RAD51B: variants seen among roughly 807,000 people sequenced by gnomAD.
RAD51B encodes DNA repair protein RAD51 homolog 2.
RAD51B carries 38 observed loss-of-function variants against 42.2 expected under a neutral mutation model. The observed-to-expected ratio is 0.90, with a 90% CI of 0.70 to 1.18. RAD51B has a LOEUF of 1.18. Ranked by LOEUF, RAD51B falls within the 50% of genes most tolerant of loss-of-function variation. The pLI, the probability that RAD51B is intolerant of heterozygous loss-of-function variation, is 0.00. For missense variants in RAD51B, 373 were observed against 400.7 expected (o/e 0.93, Z 0.59); for synonymous variants, 154 against 145.2 (o/e 1.06, Z -0.43).
intron 8 of RAD51B, among the ~76,000 whole-genome samples, chr14:68,391,152 T>TTCTTTCTTTC: frequency 1.3e-5 from 2 of 150,660 alleles, no homozygotes; most frequent in Middle Eastern, 6.8e-3. Flanking sequence ...CTTTCTTTCT[T>TTCTTTCTTTC]TCTTTCTTTC....
At chr14:68,007,292 T>C (rs2075607028) in intron 7 of RAD51B, among the ~76,000 whole-genome samples, 1 of 152,136 alleles carries the variant, frequency 6.6e-6, no homozygotes, top group Non-Finnish European at 1.5e-5. Context: ...AGTTTTACTT[T>C]TTGTCTATTA....
intron 7 of RAD51B, among the ~76,000 whole-genome samples, chr14:68,194,276 G>A (rs1296620436): frequency 6.6e-6 from 1 of 152,216 alleles, no homozygotes; most frequent in African/African-American, 2.4e-5. Context: ...GCAGAGTCTA[G>A]TTTAACCTCT....
chr14:67,897,816 A>AT (rs1015459851), intron 7 of RAD51B, among the ~76,000 whole-genome samples: 5 of 151,744 alleles, frequency 3.3e-5, no homozygotes, highest in African/African-American at 4.8e-5. Context: ...CGCCCAGCTA[A>AT]TTTTTTTGTA....
chr14:68,040,446 G>A (rs1377225165), intron 7 of RAD51B, among the ~76,000 whole-genome samples: 2 of 152,196 alleles, frequency 1.3e-5, no homozygotes, highest in African/African-American at 2.4e-5. Flanking sequence ...GAAATCTTGG[G>A]TTTAAGGTAA....
chr14:68,044,372 A>G (rs1337599350), intron 7 of RAD51B, among the ~76,000 whole-genome samples: 1 of 152,170 alleles, frequency 6.6e-6, no homozygotes, highest in Non-Finnish European at 1.5e-5. Context: ...TTATAAGAGT[A>G]TCACTGGGCC....
intron 8 of RAD51B, among the ~76,000 whole-genome samples, chr14:68,352,132 A>G (rs2082802436): frequency 6.6e-6 from 1 of 152,240 alleles, no homozygotes; most frequent in East Asian, 1.9e-4. Flanking sequence ...CAATTGAGTC[A>G]TCTCCTTATA....
chr14:67,957,109 G>A (rs73282459), intron 7 of RAD51B, among the ~76,000 whole-genome samples: 4,030 of 152,256 alleles, frequency 0.026, 181 homozygotes, highest in African/African-American at 0.092. Flanking sequence ...AAGATAGAAT[G>A]TGATAAGCAT....
intron 8 of RAD51B, among the ~76,000 whole-genome samples, chr14:68,303,652 A>G (rs1464733929): frequency 6.6e-6 from 1 of 152,142 alleles, no homozygotes; most frequent in East Asian, 1.9e-4. Flanking sequence ...AGCAATGAGA[A>G]CTTTAGAATA....
At chr14:67,842,725 T>C (rs1745617003) in intron 4 of RAD51B, among the ~76,000 whole-genome samples, 1 of 152,202 alleles carries the variant, frequency 6.6e-6, no homozygotes. Context: ...CTATGTTGAA[T>C]AGGAGTGGTG....
chr14:67,932,514 A>C (rs938620788), intron 7 of RAD51B, among the ~76,000 whole-genome samples: 1 of 152,130 alleles, frequency 6.6e-6, no homozygotes, highest in African/African-American at 2.4e-5. Context: ...AGTGGGACCA[A>C]GAGGTTCAAT....
chr14:68,324,787 G>A (rs936975839), intron 8 of RAD51B, among the ~76,000 whole-genome samples: 6 of 151,970 alleles, frequency 3.9e-5, no homozygotes, highest in African/African-American at 1.5e-4. Context: ...CACCTCCTAG[G>A]CTGCTTTTGA....
chr14:68,622,439 G>A (rs1298272640), intron 10 of RAD51B, among the ~76,000 whole-genome samples: 1 of 152,116 alleles, frequency 6.6e-6, no homozygotes, highest in Non-Finnish European at 1.5e-5. Context: ...AATTAAAGCG[G>A]GAGGCTGTTT....
intron 7 of RAD51B, among the ~76,000 whole-genome samples, chr14:68,244,641 TA>T (rs1266413290): frequency 6.6e-6 from 1 of 152,168 alleles, no homozygotes; most frequent in African/African-American, 2.4e-5. Context: ...AAGCAATTGG[TA>T]GTCTTGGCAT....
chr14:68,514,463 C>G (rs1274380852), intron 10 of RAD51B, among the ~76,000 whole-genome samples: 1 of 152,160 alleles, frequency 6.6e-6, no homozygotes, highest in African/African-American at 2.4e-5. Context: ...CAGATATTTA[C>G]CCTGCTCTGA....
rs554115399 is a variant in RAD51B at position 68,382,164 on chromosome 14, C to T, written c.854-29260C>T. On this transcript the variant is annotated intron_variant, in intron 8 of 10. Transcript: ENST00000471583. The stretch of plus-strand genomic sequence containing the variant: ...CATTTCTCAACCTGGGCGCTATTGG[C>T]GTTTTGTGCCAAATTATTCTTGATT... Among the ~76,000 whole-genome samples the T allele has an allele frequency of 5.1e-4, 78 of 152,318 alleles. 1 individual carries two copies. Among genetic ancestry groups the T allele is most frequent in the African/African-American group, 1.8e-3 (75 of 41,570 alleles).
chr14:67,958,574 G>C (rs1224416430), intron 7 of RAD51B, among the ~76,000 whole-genome samples: 1 of 152,186 alleles, frequency 6.6e-6, no homozygotes, highest in African/African-American at 2.4e-5. Context: ...AAAAAACTCA[G>C]ATAAAAGCTA....
chr14:68,421,068 C>T (rs2084687034), intron 9 of RAD51B, among the ~76,000 whole-genome samples: 1 of 152,182 alleles, frequency 6.6e-6, no homozygotes, highest in African/African-American at 2.4e-5. Context: ...ATTAGGATAG[C>T]CCCTCCCACC....
chr14:67,930,917 C>CTTT (rs548979995), intron 7 of RAD51B, among the ~76,000 whole-genome samples: 62 of 140,494 alleles, frequency 4.4e-4, no homozygotes, highest in African/African-American at 1.1e-3. Context: ...TGGGTTATTT[C>CTTT]TTTTTTTTTT....
chr14:68,036,901 T>A (rs1018359410), intron 7 of RAD51B, among the ~76,000 whole-genome samples: 4 of 152,078 alleles, frequency 2.6e-5, no homozygotes, highest in African/African-American at 9.7e-5. Context: ...TTCAACTGTA[T>A]TTTTATTTCA....
Sources: gnomAD v4.1 joint callset for allele counts (sites outside exome capture counted in the v4.1 genomes callset) on GRCh38, gnomAD v4.1.1 for gene constraint, MANE v1.5 for transcripts, NCBI Gene and HGNC (gene_info 2026-07-23, HGNC 2026-07-21) for gene names.